GREB1L: variants seen among roughly 807,000 people sequenced by gnomAD.
GREB1L encodes GREB1 like retinoic acid receptor coactivator, also known as GREB1-like protein.
GREB1L carries 17 observed loss-of-function variants against 200.8 expected under a neutral mutation model. The ratio of observed to expected loss-of-function variants is 0.08; its 90% CI spans 0.06 to 0.13. The LOEUF (loss-of-function observed/expected upper bound fraction) is 0.13. Among genes scored for constraint, GREB1L ranks in the 10% least tolerant of loss-of-function variants. GREB1L has a pLI of 1.00. For missense variants in GREB1L, 1,657 were observed against 2,367.7 expected (o/e 0.70, Z 6.23); for synonymous variants, 789 against 893.0 (o/e 0.88, Z 2.08).
At chr18:21,369,587 T>C (rs2039796363) in intron 2 of GREB1L, among the ~76,000 whole-genome samples, 1 of 152,190 alleles carries the variant, frequency 6.6e-6, no homozygotes, top group African/African-American at 2.4e-5. Flanking sequence ...TGAAATTAGT[T>C]AGCATAGTAC....
In GREB1L at chr18:21,495,689, C is replaced by T; in HGVS notation, c.3050C>T (p.Pro1017Leu). ...ARLKSWRGNEPEEWIPRTYQD... is the reference protein window; with the variant it reads ...ARLKSWRGNELEEWIPRTYQD... Reference sequence around the variant, plus strand: ...CTGTAGAGTTGGAGAGGAAATGAACCAGAAGAGTGGATCCCTCGGACATAC... The same window carrying T: ...CTGTAGAGTTGGAGAGGAAATGAACTAGAAGAGTGGATCCCTCGGACATAC... Residue 1017 changes from proline (P) to leucine (L), a missense_variant, in exon 20 of 33, where the codon CCA becomes CTA. Physicochemically the swap from Pro to Leu is moderately conservative, Grantham distance 98. This residue lies in a region of GREB1L where 512 missense variants were observed against 668.3 expected (regional missense o/e 0.77). Coordinates refer to ENST00000424526, the MANE Select transcript of GREB1L (RefSeq NM_001142966.3). 1 of 1,528,742 alleles carries T rather than the reference C, an allele frequency of 6.5e-7. No individual in the cohort carries two copies. Among genetic ancestry groups the T allele is most frequent in the Non-Finnish European group, 8.9e-7 (1 of 1,128,070 alleles). The allele number at this position is 1,528,742 out of a possible 1,614,324, so 94.7% of individuals were successfully genotyped here.
chr18:21,248,821 A>G (rs1041016925), intron 1 of GREB1L, among the ~76,000 whole-genome samples: 1 of 152,260 alleles, frequency 6.6e-6, no homozygotes, highest in African/African-American at 2.4e-5. Flanking sequence ...TTACATTTCA[A>G]GCACTCAATA....
In GREB1L at chr18:21,451,248, C is replaced by A; in HGVS notation, c.1849+97C>A. On this transcript the variant is annotated intron_variant, in intron 13 of 32. Coordinates refer to ENST00000424526, the MANE Select transcript of GREB1L (RefSeq NM_001142966.3). ...TGTCAAGATGAGTGTGGAGCTCAAG[C>A]TTGCCAGCTGATCTTTCATTTGAAA... The A allele has an allele frequency of 3.9e-6, 5 of 1,295,566 alleles. No individual in the cohort carries two copies. In the South Asian group the frequency reaches 5.8e-5, roughly 15 times the overall value. 80.3% of individuals were successfully genotyped at this position (1,295,566 alleles called of 1,614,324 possible).
Position 21,416,649 on chromosome 18 carries a change from G to A in GREB1L, c.832+12655G>A, listed in dbSNP as rs570605016. ...GCAGAGCTTGCAGTGAGCCAAGATT[G>A]CCCCACTGTACTCCAGCCTGGCTGA... is the stretch of plus-strand genomic sequence containing the variant. On this transcript the variant is annotated intron_variant, in intron 7 of 32. Transcript: ENST00000424526. Among the ~76,000 whole-genome samples, 9 of 147,122 alleles carry A rather than the reference G, an allele frequency of 6.1e-5. No homozygotes were observed. The East Asian group carries it at 1.6e-3, about 26-fold the overall frequency.
Position 21,439,506 on chromosome 18 carries a change from C to G in GREB1L, c.833-15C>G, listed in dbSNP as rs1246839984. ...CAGCCTCTGTTCTGAGCACTCCTCT[C>G]CTTGTGTTCTACAGATGCTGCTAAT... On this transcript the variant is annotated splice_polypyrimidine_tract_variant and intron_variant, in intron 7 of 32. Transcript: ENST00000424526. The G allele has an allele frequency of 9.6e-6, 14 of 1,465,300 alleles. No homozygotes were observed. The highest frequency in any genetic ancestry group is 1.3e-5 in the Non-Finnish European group (14 of 1,067,964). The allele number at this position is 1,465,300 out of a possible 1,614,324, so 90.8% of individuals were successfully genotyped here.
chr18:21,451,964 G>A, intron 13 of GREB1L, 119 bp from the exon 14 acceptor site: 1 of 834,892 alleles, frequency 1.2e-6, no homozygotes, highest in Non-Finnish European at 1.9e-6. Flanking sequence ...ATGCTGATAT[G>A]AATTGCTGGC....
intron 7 of GREB1L, among the ~76,000 whole-genome samples, chr18:21,432,726 A>C (rs1435086237): frequency 4.2e-5 from 2 of 47,374 alleles, no homozygotes; most frequent in Non-Finnish European, 6.4e-5. Flanking sequence ...TTTTTTTTTG[A>C]GACAGTGTCT....
chr18:21,462,042 A>G (rs1048877533), intron 15 of GREB1L, among the ~76,000 whole-genome samples: 2 of 152,188 alleles, frequency 1.3e-5, no homozygotes, highest in Non-Finnish European at 2.9e-5. Flanking sequence ...CTAGAACTCA[A>G]TGAGTTGCAA....
chr18:21,355,152 A>G (rs572180949), intron 1 of GREB1L, among the ~76,000 whole-genome samples: 1 of 151,794 alleles, frequency 6.6e-6, no homozygotes, highest in East Asian at 1.9e-4. Context: ...AAGCTGCAGT[A>G]TCCTCTATGA....
rs935732640 is a variant in GREB1L at position 21,496,451 on chromosome 18, C to T, written c.3147-3C>T. 4 of 1,551,486 alleles carry T rather than the reference C, an allele frequency of 2.6e-6. No homozygotes were observed. Among genetic ancestry groups the T allele is most frequent in the Non-Finnish European group, 3.5e-6 (4 of 1,146,972 alleles). ...CACCAACAACACAATTACTTTTGTT[C>T]AGGTCTTTGAAGTACTGTGACCTCC... On this transcript the variant is annotated splice_polypyrimidine_tract_variant and splice_region_variant and intron_variant, in intron 20 of 32. Transcript: ENST00000424526.
chr18:21,440,229 C>G, intron 8 of GREB1L, 40 bp from the exon 9 acceptor site: 1 of 1,548,472 alleles, frequency 6.5e-7, no homozygotes, highest in Non-Finnish European at 8.7e-7. Flanking sequence ...TGGCTGAGAA[C>G]AAGACTATCT....
Position 21,380,991 on chromosome 18 carries a change from C to T in GREB1L, c.-9-2519C>T, listed in dbSNP as rs186878981. ...GGCGCGGTGGCTCACACCTGTAATC[C>T]CAGCACTTTGGAAGGCCGAGGTGGG... On this transcript the variant is annotated intron_variant, in intron 2 of 32. Coordinates refer to ENST00000424526, the MANE Select transcript of GREB1L (RefSeq NM_001142966.3). Among the ~76,000 whole-genome samples the T allele has an allele frequency of 2.3e-3, 356 of 152,198 alleles. 3 individuals are homozygous for T. Among genetic ancestry groups the T allele is most frequent in the African/African-American group, 8.2e-3 (341 of 41,520 alleles).
intron 1 of GREB1L, among the ~76,000 whole-genome samples, chr18:21,321,087 A>G (rs1165335850): frequency 6.6e-6 from 1 of 152,016 alleles, no homozygotes; most frequent in Admixed American, 6.6e-5. Flanking sequence ...TGAGGTCAGG[A>G]GGTCAAGCCC....
At chr18:21,347,740 C>T (rs1024945705) in intron 1 of GREB1L, among the ~76,000 whole-genome samples, 15 of 150,558 alleles carry the variant, frequency 1.0e-4, no homozygotes, top group African/African-American at 2.9e-4. Context: ...TAGGCGTGAG[C>T]CACCATGCCC....
chr18:21,262,117 A>G (rs1241354312), intron 1 of GREB1L, among the ~76,000 whole-genome samples: 6 of 152,168 alleles, frequency 3.9e-5, no homozygotes, highest in East Asian at 1.9e-4. Context: ...TACAGATTCT[A>G]TGACACACGG....
intron 10 of GREB1L, among the ~76,000 whole-genome samples, chr18:21,444,005 A>G (rs891945574): frequency 6.6e-6 from 1 of 152,240 alleles, no homozygotes; most frequent in Non-Finnish European, 1.5e-5. Flanking sequence ...TAGAGGGCCA[A>G]CTGTATTTTC....
At chr18:21,486,863 A>C (rs1375257548) in intron 18 of GREB1L, among the ~76,000 whole-genome samples, 6 of 152,220 alleles carry the variant, frequency 3.9e-5, no homozygotes, top group Admixed American at 3.9e-4. Flanking sequence ...TATAGTTCTT[A>C]GAATGGCTTT....
In GREB1L at chr18:21,490,362, G is replaced by T. The variant is rs370013239; in HGVS notation, c.3030+11G>T. 4.5e-6 allele frequency: 7 copies of T among 1,542,510 alleles called. No individual in the cohort carries two copies. In the East Asian group the frequency reaches 1.7e-4, roughly 38 times the overall value. ...GTGGCGCGATTAAAGGTTAGCAATG[G>T]ACAGACATTTCTCCTTTAAAATACC... On this transcript the variant is annotated intron_variant, in intron 19 of 32. Coordinates refer to ENST00000424526, the MANE Select transcript of GREB1L (RefSeq NM_001142966.3).
chr18:21,284,883 A>G (rs1357026808), intron 1 of GREB1L, among the ~76,000 whole-genome samples: 1 of 152,164 alleles, frequency 6.6e-6, no homozygotes, highest in Non-Finnish European at 1.5e-5. Context: ...AGTGGGTATG[A>G]AGTAGTATCC....
Sources: allele counts gnomAD v4.1 joint callset (sites outside exome capture counted in the v4.1 genomes callset), GRCh38; gene constraint gnomAD v4.1.1; regional missense constraint gnomAD v4.1.1; transcripts MANE v1.5; gene names NCBI Gene and HGNC (gene_info 2026-07-23, HGNC 2026-07-21).